KIF23: variants seen among roughly 807,000 people sequenced by gnomAD.
KIF23 encodes the protein kinesin-like protein KIF23.
KIF23 carries 30 observed loss-of-function variants against 137.5 expected under a neutral mutation model. The observed-to-expected ratio is 0.22, with a 90% CI of 0.16 to 0.30. The LOEUF is 0.30. Ranked by LOEUF, KIF23 falls within the 10% of genes least tolerant of loss-of-function variation. The probability of loss-of-function intolerance (pLI) is 1.00; values close to 1 mark genes in which losing one functional copy is unlikely to be tolerated. For missense variants in KIF23, 920 were observed against 1,194.3 expected (o/e 0.77, Z 3.38); for synonymous variants, 367 against 391.1 (o/e 0.94, Z 0.73).
At chr15:69,417,084 A>G (rs2056934238) in intron 2 of KIF23, among the ~76,000 whole-genome samples, 1 of 152,208 alleles carries the variant, frequency 6.6e-6, no homozygotes, top group South Asian at 2.1e-4. Context: ...TGACTTTTAG[A>G]GATATTAGTA....
Position 69,435,515 on chromosome 15 carries a change from A to C in KIF23, c.1147A>C (p.Thr383Pro). The C allele has an allele frequency of 6.2e-7, 1 of 1,614,062 alleles. No individual in the cohort carries two copies. The highest frequency in any genetic ancestry group is 8.5e-7 in the Non-Finnish European group (1 of 1,179,962). Residue 383 changes from threonine to proline, a missense_variant, in exon 12 of 24, where the codon ACA becomes CCA. Physicochemically the swap from Thr to Pro is conservative, Grantham distance 38. Coordinates refer to ENST00000679126, the MANE Select transcript of KIF23 (RefSeq NM_001367805.3). ...TAATCAGTCACTAATGACGCTAAGAACATGTATGGATGTCCTAAGAGAGAA... is the reference window on the plus strand; with the variant it reads ...TAATCAGTCACTAATGACGCTAAGACCATGTATGGATGTCCTAAGAGAGAA... ...NINQSLMTLR[T>P]CMDVLRENQM...
intron 11 of KIF23, among the ~76,000 whole-genome samples, chr15:69,429,894 A>G (rs75791658): frequency 3.0e-4 from 46 of 152,152 alleles, no homozygotes; most frequent in African/African-American, 9.9e-4. Flanking sequence ...TGGTGCGTCT[A>G]TAGTTCCAAG....
chr15:69,415,143 T>A (rs1728414915), intron 1 of KIF23: 3 of 152,236 alleles, frequency 2.0e-5, no homozygotes. Flanking sequence ...AGGAGAGGAT[T>A]GGCTTTATTA....
Position 69,440,761 on chromosome 15 carries a change from T to A in KIF23, c.2110-7T>A. 1 of 1,577,368 alleles carries A rather than the reference T, an allele frequency of 6.3e-7. No homozygotes were observed. Among genetic ancestry groups the A allele is most frequent in the Non-Finnish European group, 8.6e-7 (1 of 1,166,246 alleles). On this transcript the variant is annotated splice_region_variant and splice_polypyrimidine_tract_variant and intron_variant, in intron 18 of 23. Coordinates refer to ENST00000679126, the MANE Select transcript of KIF23 (RefSeq NM_001367805.3). ...CTTGCTCATTAATTTTTCTCCAATT[T>A]TTCTAGCTTTCTAGTAACTATATTG...
chr15:69,437,739 G>A (rs1362789455), intron 15 of KIF23, among the ~76,000 whole-genome samples: 1 of 152,004 alleles, frequency 6.6e-6, no homozygotes, highest in Non-Finnish European at 1.5e-5. Flanking sequence ...GATTACAGAC[G>A]TGAGCCACCA....
At chr15:69,440,106 C>G in intron 17 of KIF23, 29 bp downstream of exon 17, 2 of 1,599,462 alleles carry the variant, frequency 1.3e-6, no homozygotes, top group Non-Finnish European at 1.7e-6. Context: ...GTGCTTGTCT[C>G]AGAGTCGGAT....
At chr15:69,435,209 A>G in intron 11 of KIF23, 1 of 481,194 alleles carries the variant, frequency 2.1e-6, no homozygotes, top group Non-Finnish European at 3.6e-6. Context: ...GATTTGGAAG[A>G]AACCTTATAG....
chr15:69,430,904 G>A (rs532300150), intron 11 of KIF23, among the ~76,000 whole-genome samples: 1 of 152,260 alleles, frequency 6.6e-6, no homozygotes, highest in South Asian at 2.1e-4. Flanking sequence ...CAAGGCTGGA[G>A]CCAGATTGGT....
intron 10 of KIF23, chr15:69,427,318 G>A (rs2057223880): frequency 4.5e-6 from 2 of 445,126 alleles, no homozygotes; most frequent in South Asian, 3.2e-5. Context: ...ACCAAGGGAT[G>A]ACTCTGTATG....
At chr15:69,440,631 A>T (rs1341284723) in intron 18 of KIF23, 137 bp from the exon 19 acceptor site, 1 of 1,130,750 alleles carries the variant, frequency 8.8e-7, no homozygotes, top group Non-Finnish European at 1.2e-6. Context: ...TAGAATAAAC[A>T]CAAATTTAGC....
intron 10 of KIF23, chr15:69,427,494 CCTT>C (rs1235269865): frequency 8.9e-6 from 4 of 451,938 alleles, no homozygotes; most frequent in South Asian, 4.7e-5. Context: ...TCTGGCGACT[CCTT>C]CTGTAAGTGG....
chr15:69,440,504 T>A lies in KIF23; in HGVS notation c.2109+17T>A. 1 of 1,592,640 alleles carries A rather than the reference T, an allele frequency of 6.3e-7. No individual in the cohort carries two copies. The highest frequency in any genetic ancestry group is 8.5e-7 in the Non-Finnish European group (1 of 1,170,654). ...CCTGTGCCTGTAAGTTATTTGTAATTGTGTAGTAACTTTGTACTAGAGAAA... is the reference window on the plus strand; with the variant it reads ...CCTGTGCCTGTAAGTTATTTGTAATAGTGTAGTAACTTTGTACTAGAGAAA... On this transcript the variant is annotated intron_variant, in intron 18 of 23. Transcript: ENST00000679126.
intron 4 of KIF23, 38 bp from the exon 5 acceptor site, chr15:69,421,954 T>G (rs1235433758): frequency 6.2e-7 from 1 of 1,606,510 alleles, no homozygotes; most frequent in East Asian, 2.2e-5. Context: ...AGTGGAGAAC[T>G]TCTAAGATAT....
intron 1 of KIF23, 68 bp downstream of exon 1, chr15:69,414,544 G>T: frequency 6.8e-7 from 1 of 1,467,312 alleles, no homozygotes; most frequent in Admixed American, 2.4e-5. Context: ...CTGGGGGCAG[G>T]CGTCTCCACT....
chr15:69,441,351 C>T (rs2057616096), intron 19 of KIF23, among the ~76,000 whole-genome samples: 2 of 152,180 alleles, frequency 1.3e-5, no homozygotes, highest in African/African-American at 2.4e-5. Flanking sequence ...CAGCTGCATA[C>T]GCTAATAAGC....
At chr15:69,445,483 C>T (rs2140419601) in intron 20 of KIF23, among the ~76,000 whole-genome samples, 1 of 151,058 alleles carries the variant, frequency 6.6e-6, no homozygotes, top group East Asian at 1.9e-4. Flanking sequence ...AGAGACTTGC[C>T]TGACTATAGA....
intron 11 of KIF23, among the ~76,000 whole-genome samples, chr15:69,432,979 A>G (rs374318551): frequency 1.1e-4 from 16 of 152,198 alleles, no homozygotes; most frequent in African/African-American, 3.4e-4. Flanking sequence ...AATGTAATTT[A>G]TTTTCCATCT....
intron 21 of KIF23, 41 bp downstream of exon 21, chr15:69,446,132 T>C (rs1386926658): frequency 1.3e-6 from 2 of 1,553,290 alleles, no homozygotes; most frequent in East Asian, 4.5e-5. Context: ...AGTTGGTCAT[T>C]TTCTTAGCTG....
intron 17 of KIF23, 37 bp from the exon 18 acceptor site, chr15:69,440,271 T>C: frequency 6.3e-7 from 1 of 1,583,890 alleles, no homozygotes; most frequent in Non-Finnish European, 8.6e-7. Context: ...TTTGCTGTGA[T>C]GGAATGATAA....
Sources: gnomAD v4.1 joint callset for allele counts (sites outside exome capture counted in the v4.1 genomes callset) on GRCh38, gnomAD v4.1.1 for gene constraint, MANE v1.5 for transcripts, NCBI Gene and HGNC (gene_info 2026-07-23, HGNC 2026-07-21) for gene names.